GABBR2: variants seen among roughly 807,000 people sequenced by gnomAD.
GABBR2 encodes the protein gamma-aminobutyric acid type B receptor subunit 2, also known as G-protein coupled receptor 51.
GABBR2 carries 23 observed loss-of-function variants against 105.6 expected under a neutral mutation model. That is an observed-to-expected ratio of 0.22 (90% confidence interval 0.16 to 0.31). GABBR2 has a LOEUF of 0.31. Among genes scored for constraint, GABBR2 ranks in the 10% least tolerant of loss-of-function variants. GABBR2 has a pLI of 1.00. For missense variants in GABBR2, 734 were observed against 1,245.5 expected (o/e 0.59, Z 6.18); for synonymous variants, 478 against 499.7 (o/e 0.96, Z 0.58).
At chr9:98,342,701 G>A (rs1564024588) in intron 13 of GABBR2, among the ~76,000 whole-genome samples, 1 of 152,172 alleles carries the variant, frequency 6.6e-6, no homozygotes, top group Admixed American at 6.5e-5. Flanking sequence ...ACTGTTCAGG[G>A]CTGATGGCTC....
At chr9:98,318,661 G>A (rs1005047621) in intron 13 of GABBR2, among the ~76,000 whole-genome samples, 1 of 152,170 alleles carries the variant, frequency 6.6e-6, no homozygotes, top group East Asian at 1.9e-4. Context: ...CACTGTGGGT[G>A]GAAAGGGTTC....
At chr9:98,363,781 C>G (rs986123480) in intron 12 of GABBR2, among the ~76,000 whole-genome samples, 1 of 152,166 alleles carries the variant, frequency 6.6e-6, no homozygotes, top group Non-Finnish European at 1.5e-5. Flanking sequence ...ATTTTTATTA[C>G]TCTGTGAGAC....
At chr9:98,378,903 G>A (rs1831923830) in intron 11 of GABBR2, among the ~76,000 whole-genome samples, 1 of 152,176 alleles carries the variant, frequency 6.6e-6, no homozygotes, top group Non-Finnish European at 1.5e-5. Context: ...AAGTAGAAAA[G>A]TAGATAAAAG....
At chr9:98,308,848 T>C (rs1830592641) in intron 14 of GABBR2, among the ~76,000 whole-genome samples, 1 of 152,250 alleles carries the variant, frequency 6.6e-6, no homozygotes, top group South Asian at 2.1e-4. Context: ...TGGTAATTTG[T>C]TATGACAGCC....
At chr9:98,602,571 G>A (rs1275621355) in intron 1 of GABBR2, among the ~76,000 whole-genome samples, 2 of 151,906 alleles carry the variant, frequency 1.3e-5, no homozygotes, top group South Asian at 2.1e-4. Flanking sequence ...GATTACAGGC[G>A]CGAGCCACTG....
At chr9:98,633,782 A>G (rs1226237023) in intron 1 of GABBR2, among the ~76,000 whole-genome samples, 1 of 152,118 alleles carries the variant, frequency 6.6e-6, no homozygotes, top group Non-Finnish European at 1.5e-5. Flanking sequence ...GTGCCTTTTT[A>G]GGGGTGCTCA....
chr9:98,535,109 G>T (rs1828145989), intron 3 of GABBR2, among the ~76,000 whole-genome samples: 2 of 151,966 alleles, frequency 1.3e-5, no homozygotes, highest in Admixed American at 1.3e-4. Flanking sequence ...TTTCAGGGGG[G>T]CACCGGGGGA....
chr9:98,499,608 A>G (rs1387806549), intron 3 of GABBR2, among the ~76,000 whole-genome samples: 1 of 152,284 alleles, frequency 6.6e-6, no homozygotes, highest in African/African-American at 2.4e-5. Context: ...CATGGAAAAG[A>G]AATAATGTAA....
chr9:98,393,477 A>G (rs1294867595), intron 9 of GABBR2, among the ~76,000 whole-genome samples: 1 of 149,778 alleles, frequency 6.7e-6, no homozygotes, highest in East Asian at 2.0e-4. Flanking sequence ...CCATCCATCC[A>G]TCCACTCATC....
intron 1 of GABBR2, among the ~76,000 whole-genome samples, chr9:98,681,155 C>T (rs963346224): frequency 3.4e-5 from 5 of 146,990 alleles, no homozygotes; most frequent in East Asian, 2.0e-4. Flanking sequence ...ATGTTTATTG[C>T]GGCATTATTC....
At chr9:98,426,802 G>A (rs1436853187) in intron 7 of GABBR2, among the ~76,000 whole-genome samples, 1 of 152,184 alleles carries the variant, frequency 6.6e-6, no homozygotes, top group Non-Finnish European at 1.5e-5. Context: ...AGGAGTTCAA[G>A]ATCAGCCTGG....
intron 1 of GABBR2, among the ~76,000 whole-genome samples, chr9:98,636,361 C>T (rs752853248): frequency 1.3e-5 from 2 of 152,230 alleles, no homozygotes; most frequent in African/African-American, 2.4e-5. Context: ...TCAGGGTGAG[C>T]GCACTTGGGG....
chr9:98,430,087 C>T (rs1211006687), intron 7 of GABBR2, among the ~76,000 whole-genome samples: 1 of 152,096 alleles, frequency 6.6e-6, no homozygotes, highest in Admixed American at 6.5e-5. Context: ...GAGATCAACA[C>T]CATCCTGGCC....
intron 2 of GABBR2, among the ~76,000 whole-genome samples, chr9:98,554,297 G>A (rs1340404583): frequency 6.6e-6 from 1 of 151,926 alleles, no homozygotes; most frequent in African/African-American, 2.4e-5. Flanking sequence ...GGATTTAAGG[G>A]TGCAGTGAGC....
chr9:98,578,739 G>C (rs985755517), intron 1 of GABBR2, among the ~76,000 whole-genome samples: 3 of 152,216 alleles, frequency 2.0e-5, no homozygotes, highest in Non-Finnish European at 2.9e-5. Flanking sequence ...ATGGATAATG[G>C]AACAGTAGTG....
intron 2 of GABBR2, among the ~76,000 whole-genome samples, chr9:98,572,537 C>T (rs1273737360): frequency 6.6e-6 from 1 of 152,274 alleles, no homozygotes; most frequent in Middle Eastern, 3.4e-3. Context: ...TTATCAAATC[C>T]CTTGGGCACC....
intron 3 of GABBR2, among the ~76,000 whole-genome samples, chr9:98,509,015 A>G (rs1827578880): frequency 6.6e-6 from 1 of 152,072 alleles, no homozygotes; most frequent in Admixed American, 6.5e-5. Flanking sequence ...TGGGAGGCAC[A>G]CCCCAGTAGG....
intron 1 of GABBR2, among the ~76,000 whole-genome samples, chr9:98,624,257 C>A (rs1480719103): frequency 6.6e-6 from 1 of 152,148 alleles, no homozygotes; most frequent in Admixed American, 6.5e-5. Context: ...CACAGGAAGG[C>A]AAGCAGCAGA....
chr9:98,482,710 T>A (rs1202192621), intron 4 of GABBR2, among the ~76,000 whole-genome samples: 3 of 152,094 alleles, frequency 2.0e-5, no homozygotes, highest in Admixed American at 2.0e-4. Flanking sequence ...AAACTTTGCT[T>A]CTTAATCTCC....
Sources: gnomAD v4.1 joint callset for allele counts (sites outside exome capture counted in the v4.1 genomes callset) on GRCh38, gnomAD v4.1.1 for gene constraint, MANE v1.5 for transcripts, NCBI Gene and HGNC (gene_info 2026-07-23, HGNC 2026-07-21) for gene names.